The following SPATA17 variants were observed in gnomAD, a reference collection of about 807,000 sequenced individuals.
SPATA17 encodes spermatogenesis associated 17, also known as spermatogenesis-associated protein 17.
SPATA17 carries 53 observed loss-of-function variants against 62.2 expected under a neutral mutation model. The observed-to-expected ratio is 0.85, with a 90% CI of 0.68 to 1.07. SPATA17 has a LOEUF of 1.07. Ranked by LOEUF, SPATA17 falls within the 50% of genes least tolerant of loss-of-function variation. The pLI is 0.00. For missense variants in SPATA17, 466 were observed against 425.5 expected (o/e 1.10, Z -0.84); for synonymous variants, 146 against 146.8 (o/e 0.99, Z 0.04).
At chr1:217,643,165 C>T (rs1174471028) in intron 1 of SPATA17, among the ~76,000 whole-genome samples, 1 of 152,138 alleles carries the variant, frequency 6.6e-6, no homozygotes, top group Non-Finnish European at 1.5e-5. Flanking sequence ...ACAATACGTT[C>T]ATTCTAGTTT....
chr1:217,702,430 C>A (rs991153723), intron 5 of SPATA17, among the ~76,000 whole-genome samples: 6 of 152,136 alleles, frequency 3.9e-5, no homozygotes, highest in Non-Finnish European at 8.8e-5. Context: ...ATTCTTTCTT[C>A]TACTGATAAC....
chr1:217,804,013 C>T (rs894904564), intron 9 of SPATA17, among the ~76,000 whole-genome samples: 1 of 150,516 alleles, frequency 6.6e-6, no homozygotes, highest in Non-Finnish European at 1.5e-5. Flanking sequence ...GTAAGACTGT[C>T]TCAAAAGAGG....
rs930806538 is a variant in SPATA17, at chr1:217,870,618, G to C, written c.*3599G>C. ...TAATGAGACTTTATGTTTGACCAAAGCTGGTAATTCCTTGATCTTATTCTC... is the reference window on the plus strand; with the variant it reads ...TAATGAGACTTTATGTTTGACCAAACCTGGTAATTCCTTGATCTTATTCTC... On this transcript the variant is annotated 3_prime_UTR_variant, in exon 11 of 11. Transcript: ENST00000366933. The C allele has an allele frequency of 1.1e-4, 17 of 152,140 alleles. No homozygotes were observed. The highest frequency in any genetic ancestry group is 1.1e-3 in the Admixed American group (17 of 15,264). 9.4% of individuals were successfully genotyped at this position (152,140 alleles called of 1,614,324 possible).
At chr1:217,858,700 C>T (rs986826914) in intron 9 of SPATA17, among the ~76,000 whole-genome samples, 6 of 138,658 alleles carry the variant, frequency 4.3e-5, no homozygotes, top group East Asian at 2.9e-4. Flanking sequence ...CCAGCCTGGG[C>T]GACATAGCAA....
rs188662203 is a variant in SPATA17 at position 217,821,235 on chromosome 1, C to A, written c.1005+19385C>A. 2.6e-5 allele frequency among the ~76,000 whole-genome samples: 4 copies of A among 152,050 alleles called. No individual in the cohort carries two copies. The South Asian group carries it at 6.2e-4, about 24-fold the overall frequency. ...TAAAGAGATTATATCCAAACAATAG[C>A]CTGGATGAAATTTCCTAGAGTGGGA... On this transcript the variant is annotated intron_variant, in intron 9 of 10. Transcript: ENST00000366933.
chr1:217,710,200 A>G (rs1484146114), intron 5 of SPATA17, among the ~76,000 whole-genome samples: 1 of 152,192 alleles, frequency 6.6e-6, no homozygotes, highest in Admixed American at 6.5e-5. Flanking sequence ...TATTACAAAG[A>G]TAAATGGGAT....
At chr1:217,772,212 A>G (rs1361879419) in intron 6 of SPATA17, among the ~76,000 whole-genome samples, 1 of 152,156 alleles carries the variant, frequency 6.6e-6, no homozygotes, top group Non-Finnish European at 1.5e-5. Flanking sequence ...ATTACTGTCC[A>G]TGGAAAGCTA....
At chr1:217,709,005 T>G (rs562322605) in intron 5 of SPATA17, among the ~76,000 whole-genome samples, 7 of 152,036 alleles carry the variant, frequency 4.6e-5, no homozygotes, top group African/African-American at 1.7e-4. Flanking sequence ...GATAAAAATC[T>G]TCAACAAACA....
At chr1:217,671,325 C>T (rs1417902454) in intron 4 of SPATA17, among the ~76,000 whole-genome samples, 1 of 152,194 alleles carries the variant, frequency 6.6e-6, no homozygotes. Flanking sequence ...ATAAAAGATT[C>T]TCTGATCTAC....
At chr1:217,773,275 G>T (rs1358420233) in intron 6 of SPATA17, among the ~76,000 whole-genome samples, 1 of 152,140 alleles carries the variant, frequency 6.6e-6, no homozygotes, top group African/African-American at 2.4e-5. Flanking sequence ...TGGCATAAGA[G>T]AAATCACATT....
Position 217,844,359 on chromosome 1 carries a change from A to T in SPATA17, c.1006-18415A>T, listed in dbSNP as rs1208591434. Among the ~76,000 whole-genome samples the T allele has an allele frequency of 2.0e-5, 3 of 152,098 alleles. 1 individual carries two copies. The highest frequency in any genetic ancestry group is 1.3e-4 in the Admixed American group (2 of 15,240). On this transcript the variant is annotated intron_variant, in intron 9 of 10. Transcript: ENST00000366933. ...TACAGGATTGCCAGTTGCATAAAGA[A>T]TTCTGAGGAGTGGCCCAGGTAAAAG...
intron 5 of SPATA17, among the ~76,000 whole-genome samples, chr1:217,712,193 C>T (rs1338417195): frequency 1.4e-5 from 2 of 141,200 alleles, no homozygotes; most frequent in African/African-American, 5.3e-5. Flanking sequence ...ATGGTACGAT[C>T]TCGGCTCACT....
intron 4 of SPATA17, among the ~76,000 whole-genome samples, chr1:217,673,786 G>T (rs550534029): frequency 1.8e-4 from 27 of 152,302 alleles, no homozygotes; most frequent in African/African-American, 6.0e-4. Context: ...ATGAGGGTAA[G>T]AATTACTTAT....
At chr1:217,782,472 A>G in intron 8 of SPATA17, 150 bp downstream of exon 8, 1 of 869,776 alleles carries the variant, frequency 1.1e-6, no homozygotes, top group Non-Finnish European at 1.6e-6. Context: ...ATTTTTCAGC[A>G]TGCAAATGAT....
At chr1:217,763,639 G>C (rs1228030268) in intron 6 of SPATA17, among the ~76,000 whole-genome samples, 1 of 152,194 alleles carries the variant, frequency 6.6e-6, no homozygotes, top group Non-Finnish European at 1.5e-5. Flanking sequence ...GGACTTCCTT[G>C]CAGATGGGGG....
chr1:217,635,733 T>C (rs1405202851), intron 1 of SPATA17, among the ~76,000 whole-genome samples: 2 of 151,404 alleles, frequency 1.3e-5, no homozygotes, highest in Admixed American at 6.6e-5. Flanking sequence ...TGAGTTATTA[T>C]CAGTAGAAAG....
chr1:217,862,678 C>T, intron 9 of SPATA17, 96 bp from the exon 10 acceptor site: 1 of 871,592 alleles, frequency 1.1e-6, no homozygotes, highest in Non-Finnish European at 1.8e-6. Context: ...AGTTGAAAGA[C>T]ATCTGTCTAG....
At chr1:217,827,469 A>G (rs1675023059) in intron 9 of SPATA17, among the ~76,000 whole-genome samples, 1 of 152,132 alleles carries the variant, frequency 6.6e-6, no homozygotes, top group Non-Finnish European at 1.5e-5. Flanking sequence ...ACAACATGGC[A>G]ATTCATCCAA....
intron 7 of SPATA17, among the ~76,000 whole-genome samples, chr1:217,780,540 GA>G (rs1237862614): frequency 6.6e-6 from 1 of 152,118 alleles, no homozygotes; most frequent in African/African-American, 2.4e-5. Context: ...CCTACAAGTA[GA>G]TATGTGTTAT....
Sources: gnomAD v4.1 joint callset for allele counts (sites outside exome capture counted in the v4.1 genomes callset) on GRCh38, gnomAD v4.1.1 for gene constraint, MANE v1.5 for transcripts, NCBI Gene and HGNC (gene_info 2026-07-23, HGNC 2026-07-21) for gene names.